C2orf69: variants seen among roughly 807,000 people sequenced by gnomAD.
The protein encoded by C2orf69 is chromosome 2 open reading frame 69.
A neutral mutation model predicts 29.5 loss-of-function variants in C2orf69; 19 were observed. That is an observed-to-expected ratio of 0.65 (90% CI 0.45 to 0.95). The LOEUF is 0.95. Among genes scored for constraint, C2orf69 ranks in the 40% least tolerant of loss-of-function variants. The pLI is 0.00. For missense variants in C2orf69, 416 were observed against 482.1 expected, an observed-to-expected ratio of 0.86 and a Z score of 1.28; for synonymous variants, 194 against 180.0, an observed-to-expected ratio of 1.08 and a Z score of -0.62.
intron 1 of C2orf69, among the ~76,000 whole-genome samples, chr2:199,915,387 G>A (rs2106636364): frequency 6.6e-6 from 1 of 152,254 alleles, no homozygotes; most frequent in Admixed American, 6.5e-5. Context: ...GGGATTACAA[G>A]CATGAGCCAC....
chr2:199,911,450 C>T lies in C2orf69; in HGVS notation c.12C>T (p.Phe4=). 1 of 1,540,962 alleles carries T rather than the reference C, an allele frequency of 6.5e-7. No homozygotes were observed. Among genetic ancestry groups the T allele is most frequent in the Non-Finnish European group, 8.8e-7 (1 of 1,142,552 alleles). The change falls in exon 1 of 2, where the codon TTC becomes TTT. Residue 4 remains phenylalanine (F), a synonymous_variant. Coordinates refer to ENST00000319974, the MANE Select transcript of C2orf69 (RefSeq NM_153689.6). MWG[F]RLLRSPPLLL... ...CGCGGCGGCGACCCATGTGGGGGTT[C>T]AGGCTCCTGCGGTCGCCGCCGTTGC...
At position 199,925,450 on chromosome 2, in the gene C2orf69, C is replaced by A. The variant is rs764116077; in HGVS notation, c.722C>A (p.Ser241Tyr). Residue 241 changes from serine to tyrosine, a missense_variant, in exon 2 of 2, where the codon TCT becomes TAT. By Grantham distance (144) the Ser-to-Tyr change is moderately radical. Coordinates refer to ENST00000319974, the MANE Select transcript of C2orf69 (RefSeq NM_153689.6). The surrounding 1 kb of genome is among the most constrained non-coding windows in gnomAD (Gnocchi z 4.9). ...QGEKVRTCEK[S>Y]DESAMSFYPP... ...GAAAAAGTGAGGACCTGTGAAAAAT[C>A]TGATGAGTCTGCCATGAGTTTTTAT... 20 of 1,613,712 alleles carry A rather than the reference C, an allele frequency of 1.2e-5. No homozygotes were observed. Among genetic ancestry groups the A allele is most frequent in the Non-Finnish European group, 1.5e-5 (18 of 1,179,876 alleles).
At chr2:199,922,645 C>T (rs1260507446) in intron 1 of C2orf69, among the ~76,000 whole-genome samples, 1 of 152,018 alleles carries the variant, frequency 6.6e-6, no homozygotes, top group Non-Finnish European at 1.5e-5. Context: ...ATAAGGAAAA[C>T]TCACACCATT....
chr2:199,919,105 A>G (rs1420523231), intron 1 of C2orf69, among the ~76,000 whole-genome samples: 2 of 152,116 alleles, frequency 1.3e-5, no homozygotes, highest in Admixed American at 6.5e-5. Flanking sequence ...GGCATGCACA[A>G]TCACACCTGG....
Position 199,913,448 on chromosome 2 carries a change from T to C in C2orf69, c.333+1677T>C, listed in dbSNP as rs1214873704. ...TATAAAATATATATTATATAAAATA[T>C]ATATTCTATTATATAAAATATATAT... On this transcript the variant is annotated intron_variant, in intron 1 of 1. Transcript: ENST00000319974. Among the ~76,000 whole-genome samples the C allele has an allele frequency of 2.9e-3, 281 of 97,800 alleles. 3 individuals are homozygous for C. Among genetic ancestry groups the C allele is most frequent in the Non-Finnish European group, 4.6e-3 (240 of 52,104 alleles). The allele number at this position is 97,800 out of a possible 152,430, so 64.2% of individuals were successfully genotyped here.
chr2:199,915,872 T>C (rs2077290900), intron 1 of C2orf69, among the ~76,000 whole-genome samples: 1 of 152,188 alleles, frequency 6.6e-6, no homozygotes, highest in Non-Finnish European at 1.5e-5. Flanking sequence ...TAATTGGAAC[T>C]GGTTTTTCAT....
chr2:199,912,502 G>T (rs542479154), intron 1 of C2orf69, among the ~76,000 whole-genome samples: 1 of 152,314 alleles, frequency 6.6e-6, no homozygotes, highest in Admixed American at 6.5e-5. Flanking sequence ...CATATTAGCT[G>T]CATTTCAAGT....
At position 199,927,097 on chromosome 2, in the gene C2orf69, A is replaced by C. The variant is rs1032544248; in HGVS notation, c.*1211A>C. 1.3e-5 allele frequency: 2 copies of C among 152,410 alleles called. No homozygotes were observed. The highest frequency in any genetic ancestry group is 4.8e-5 in the African/African-American group (2 of 41,458). 9.4% of individuals were successfully genotyped at this position (152,410 alleles called of 1,614,324 possible). On this transcript the variant is annotated 3_prime_UTR_variant, in exon 2 of 2. Coordinates refer to ENST00000319974, the MANE Select transcript of C2orf69 (RefSeq NM_153689.6). ...TTTGGCTCAAAAACTGAATTTGCTT[A>C]ACACTGCTACATAATTTGGGTGAAG...
Position 199,911,593 on chromosome 2 carries a change from G to T in C2orf69, c.155G>T (p.Arg52Leu), listed in dbSNP as rs762288716. 1 of 1,549,488 alleles carries T rather than the reference G, an allele frequency of 6.5e-7. No individual in the cohort carries two copies. The change falls in exon 1 of 2, where the codon CGT (arginine) becomes CTT (leucine). Residue 52 changes from arginine to leucine, a missense_variant. Arg to Leu is a moderately radical substitution (Grantham distance 102, BLOSUM62 -2). Coordinates refer to ENST00000319974, the MANE Select transcript of C2orf69 (RefSeq NM_153689.6). The part of the protein sequence containing the change: ...RCSLSAEVRR[R>L]QCLQLSTVPG... Reference sequence around the variant, plus strand: ...TCCCTCTCGGCCGAGGTGCGCCGCCGTCAGTGCCTGCAGCTTTCCACCGTG... The same window carrying T: ...TCCCTCTCGGCCGAGGTGCGCCGCCTTCAGTGCCTGCAGCTTTCCACCGTG...
In C2orf69 at chr2:199,911,339, G is replaced by T. The variant is rs2106636261; in HGVS notation, c.-100G>T. ...GCCGGCTCCCGGCCGGGCCGCGGCC[G>T]CCGACCGTTGAGCCGCCGGCTGAGC... On this transcript the variant is annotated 5_prime_UTR_variant, in exon 1 of 2. Coordinates refer to ENST00000319974, the MANE Select transcript of C2orf69 (RefSeq NM_153689.6). 7.5e-7 allele frequency: 1 copy of T among 1,339,918 alleles called. No homozygotes were observed. Among genetic ancestry groups the T allele is most frequent in the South Asian group, 1.8e-5 (1 of 55,006 alleles). 83.0% of individuals were successfully genotyped at this position (1,339,918 alleles called of 1,614,324 possible).
Position 199,925,868 on chromosome 2 carries a change from G to T in C2orf69, c.1140G>T (p.Arg380Ser), listed in dbSNP as rs757329375. 2.5e-6 allele frequency: 4 copies of T among 1,609,974 alleles called. No homozygotes were observed. The highest frequency in any genetic ancestry group is 3.4e-6 in the Non-Finnish European group (4 of 1,177,120). Reference protein sequence around the residue: ...KEAPSIENHFRVHEVF With the variant: ...KEAPSIENHFSVHEVF ...CTCCTTCCATAGAGAATCACTTCAGGGTTCATGAAGTATTTTGAGATTACA... is the reference window on the plus strand; with the variant it reads ...CTCCTTCCATAGAGAATCACTTCAGTGTTCATGAAGTATTTTGAGATTACA... The change falls in exon 2 of 2, where the codon AGG becomes AGT. Residue 380 changes from arginine (R) to serine (S), a missense_variant. Physicochemically the swap from Arg to Ser is moderately radical, Grantham distance 110 (BLOSUM62 -1). Coordinates refer to ENST00000319974, the MANE Select transcript of C2orf69 (RefSeq NM_153689.6). This position sits in a 1 kb window ranked among gnomAD's most constrained non-coding sequence, Gnocchi z 4.9.
At position 199,911,425 on chromosome 2, in the gene C2orf69, C is replaced by G; in HGVS notation, c.-14C>G. The G allele has an allele frequency of 1.3e-6, 2 of 1,506,990 alleles. No individual in the cohort carries two copies. Among genetic ancestry groups the G allele is most frequent in the Non-Finnish European group, 1.8e-6 (2 of 1,128,542 alleles). The allele number at this position is 1,506,990 out of a possible 1,614,324, so 93.4% of individuals were successfully genotyped here. ...CCACCCTCCACCTCCGAACCGCTCT[C>G]GCGGCGGCGACCCATGTGGGGGTTC... On this transcript the variant is annotated 5_prime_UTR_variant, in exon 1 of 2. Transcript: ENST00000319974.
In C2orf69 at chr2:199,925,049, T is replaced by C. The variant is rs1375315678; in HGVS notation, c.334-13T>C. ...ATGTATTTAATACTTATTTCATCTTTCTTACCTTTCAGAATTACCATGAAA... is the reference window on the plus strand; with the variant it reads ...ATGTATTTAATACTTATTTCATCTTCCTTACCTTTCAGAATTACCATGAAA... On this transcript the variant is annotated splice_polypyrimidine_tract_variant and intron_variant, in intron 1 of 1. Coordinates refer to ENST00000319974, the MANE Select transcript of C2orf69 (RefSeq NM_153689.6). This position sits in a 1 kb window ranked among gnomAD's most constrained non-coding sequence, Gnocchi z 4.9. 6.8e-7 allele frequency: 1 copy of C among 1,469,504 alleles called. No individual in the cohort carries two copies. Among genetic ancestry groups the C allele is most frequent in the Non-Finnish European group, 9.5e-7 (1 of 1,056,898 alleles). The allele number at this position is 1,469,504 out of a possible 1,614,324, so 91.0% of individuals were successfully genotyped here. A position where few individuals can be genotyped will look rare whatever the true frequency, so the allele number is the denominator to read the frequency against.
At position 199,928,011 on chromosome 2, in the gene C2orf69, T is replaced by C. The variant is rs2077342437; in HGVS notation, c.*2125T>C. The C allele has an allele frequency of 6.6e-6, 1 of 152,522 alleles. No homozygotes were observed. Among genetic ancestry groups the C allele is most frequent in the African/African-American group, 2.4e-5 (1 of 41,454 alleles). The allele number at this position is 152,522 out of a possible 1,614,324, so 9.4% of individuals were successfully genotyped here. ...CACCAGGTACACAAAACTGCCATCA[T>C]AGCAAAATGAGACAGTGTTGAAAAG... On this transcript the variant is annotated 3_prime_UTR_variant, in exon 2 of 2. Transcript: ENST00000319974.
rs2106636262 is a variant in C2orf69 at position 199,911,341 on chromosome 2, C to G, written c.-98C>G. The G allele has an allele frequency of 7.4e-7, 1 of 1,347,240 alleles. No individual in the cohort carries two copies. Among genetic ancestry groups the G allele is most frequent in the East Asian group, 3.0e-5 (1 of 33,156 alleles). The allele number at this position is 1,347,240 out of a possible 1,614,324, so 83.5% of individuals were successfully genotyped here. A position where few individuals can be genotyped will look rare whatever the true frequency, so the allele number is the denominator to read the frequency against. On this transcript the variant is annotated 5_prime_UTR_variant, in exon 1 of 2. Coordinates refer to ENST00000319974, the MANE Select transcript of C2orf69 (RefSeq NM_153689.6). ...CGGCTCCCGGCCGGGCCGCGGCCGCCGACCGTTGAGCCGCCGGCTGAGCCG... is the reference window on the plus strand; with the variant it reads ...CGGCTCCCGGCCGGGCCGCGGCCGCGGACCGTTGAGCCGCCGGCTGAGCCG...
intron 1 of C2orf69, among the ~76,000 whole-genome samples, chr2:199,921,057 A>C (rs2077314114): frequency 9.6e-6 from 1 of 103,978 alleles, no homozygotes; most frequent in Admixed American, 1.5e-4. Context: ...CCCAGGATGG[A>C]GTGCAGTGGC....
Position 199,925,176 on chromosome 2 carries a change from A to G in C2orf69, c.448A>G (p.Ile150Val), listed in dbSNP as rs1270637335. Reference protein sequence around the residue: ...HRFPNSYIWVIKCSRMHLHKF... With the variant: ...HRFPNSYIWVVKCSRMHLHKF... ...GTTCCCCAATAGTTATATTTGGGTG[A>G]TAAAATGTTCCCGAATGCATTTGCA... Residue 150 changes from isoleucine (I) to valine (V), a missense_variant, in exon 2 of 2, where the codon ATA becomes GTA. Physicochemically the swap from Ile to Val is conservative, Grantham distance 29 (BLOSUM62 3). Transcript: ENST00000319974. The surrounding 1 kb of genome is among the most constrained non-coding windows in gnomAD (Gnocchi z 4.9). The G allele has an allele frequency of 6.2e-7, 1 of 1,612,774 alleles. No homozygotes were observed. Among genetic ancestry groups the G allele is most frequent in the Non-Finnish European group, 8.5e-7 (1 of 1,179,514 alleles).
rs754812120 is a variant in C2orf69 at position 199,925,694 on chromosome 2, A to G, written c.966A>G (p.Gln322=). 6.2e-7 allele frequency: 1 copy of G among 1,613,964 alleles called. No individual in the cohort carries two copies. Among genetic ancestry groups the G allele is most frequent in the Non-Finnish European group, 8.5e-7 (1 of 1,179,838 alleles). The change falls in exon 2 of 2, where the codon CAA becomes CAG. Residue 322 remains glutamine (Q), a synonymous_variant. Transcript: ENST00000319974. This position sits in a 1 kb window ranked among gnomAD's most constrained non-coding sequence, Gnocchi z 4.9. ...CAGAAGTCTTGAAAGAATTTGCACAAACAGGAATTATCGTTCACACTCATG... is the reference window on the plus strand; with the variant it reads ...CAGAAGTCTTGAAAGAATTTGCACAGACAGGAATTATCGTTCACACTCATG... ...TYPEVLKEFA[Q]TGIIVHTHVT...
At position 199,925,399 on chromosome 2, in the gene C2orf69, C is replaced by T; in HGVS notation, c.671C>T (p.Ser224Phe). Residue 224 changes from serine (S) to phenylalanine (F), a missense_variant, in exon 2 of 2, where the codon TCT becomes TTT. By Grantham distance (155) the Ser-to-Phe change is radical. Around this residue, in one of 4 missense-constraint regions of C2orf69, gnomAD observed 225 missense variants for 307.3 expected, o/e 0.73. Coordinates refer to ENST00000319974, the MANE Select transcript of C2orf69 (RefSeq NM_153689.6). This position sits in a 1 kb window ranked among gnomAD's most constrained non-coding sequence, Gnocchi z 4.9. The stretch of plus-strand genomic sequence containing the variant: ...GCATCTAACTGTAGATCCAGTCCTT[C>T]TCATACTACGAATGGTTGCCAGGGA... ...SIASNCRSSP[S>F]HTTNGCQGEK... The T allele has an allele frequency of 6.2e-7, 1 of 1,613,732 alleles. No homozygotes were observed.
Sources: gnomAD v4.1 joint callset for allele counts (sites outside exome capture counted in the v4.1 genomes callset) on GRCh38, gnomAD v4.1.1 for gene constraint, gnomAD v4.1.1 regional missense constraint, Gnocchi (gnomAD v3.1) non-coding constraint, MANE v1.5 for transcripts, NCBI Gene and HGNC (gene_info 2026-07-23, HGNC 2026-07-21) for gene names.